Variants in MICA observed in about 807,000 individuals in gnomAD.
MICA encodes the protein HLA class I antigen.
Under a neutral mutation model 34.3 loss-of-function variants are expected in MICA, and 18 were observed. The observed-to-expected ratio is 0.52, with a 90% CI of 0.36 to 0.78. The LOEUF is 0.78. Ranked by LOEUF, MICA falls within the 30% of genes least tolerant of loss-of-function variation. The pLI is 0.00. For synonymous variants in MICA, 135 were observed against 156.9 expected (o/e 0.86, Z 1.04); for missense variants, 333 against 409.4 (o/e 0.81, Z 1.61).
At chr6:31,408,866 G>C (rs777405772) in intron 1 of MICA, among the ~76,000 whole-genome samples, 1 of 151,688 alleles carries the variant, frequency 6.6e-6, no homozygotes, top group African/African-American at 2.4e-5. Flanking sequence ...TTAGCCGGGC[G>C]TGATGGCGGG....
intron 5 of MICA, 73 bp downstream of exon 5, chr6:31,412,533 C>A: frequency 1.1e-6 from 1 of 920,840 alleles, no homozygotes; most frequent in Non-Finnish European, 1.7e-6. Context: ...ATTGCTCCTG[C>A]AAAGATAGGC....
chr6:31,411,471 GT>G lies in MICA; in HGVS notation c.613+114del. On this transcript the variant is annotated intron_variant, in intron 3 of 5. Coordinates refer to ENST00000449934, the MANE Select transcript of MICA (RefSeq NM_001177519.3). The surrounding 1 kb of genome is among the most constrained non-coding windows in gnomAD (Gnocchi z 4.3). ...TGTGCTATGGATGAAGGCATTTCCT[GT>G]TGGCACATCGTGTCCTGATTTTCCT... is the stretch of plus-strand genomic sequence containing the variant. 2.7e-6 allele frequency: 3 copies of G among 1,098,298 alleles called. No individual in the cohort carries two copies. The highest frequency in any genetic ancestry group is 3.8e-6 in the Non-Finnish European group (3 of 787,084). The allele number at this position is 1,098,298 out of a possible 1,614,324, so 68.0% of individuals were successfully genotyped here.
rs541041650 is a variant in MICA, at chr6:31,412,506, G to A, written c.*29+46G>A. On this transcript the variant is annotated intron_variant, in intron 5 of 5. Transcript: ENST00000449934. ...CTGGAGATGGTAAGGCCCCTGTCTG[G>A]GCAGTAGGGTCCCCTCATTGCTCCT... 29 of 1,210,350 alleles carry A rather than the reference G, an allele frequency of 2.4e-5. No homozygotes were observed. The African/African-American group carries it at 4.2e-4, about 17-fold the overall frequency. 75.0% of individuals were successfully genotyped at this position (1,210,350 alleles called of 1,614,324 possible). A position where few individuals can be genotyped will look rare whatever the true frequency, so the allele number is the denominator to read the frequency against.
At chr6:31,403,137 A>G (rs548558900), upstream of MICA, among the ~76,000 whole-genome samples, 2 of 151,820 alleles carry the variant, frequency 1.3e-5, no homozygotes, top group Non-Finnish European at 2.9e-5. This position sits in a 1 kb window ranked among gnomAD's most constrained non-coding sequence, Gnocchi z 4.7. Flanking sequence ...CATTGCCAGT[A>G]ACGCTGTGCG....
upstream of MICA, among the ~76,000 whole-genome samples, chr6:31,403,236 G>A (rs1278957147): frequency 6.6e-6 from 1 of 151,820 alleles, no homozygotes; most frequent in Non-Finnish European, 1.5e-5. This position sits in a 1 kb window ranked among gnomAD's most constrained non-coding sequence, Gnocchi z 4.7. Context: ...GGGGCGGCCG[G>A]CGAAAGGGGC....
At chr6:31,406,332 C>T (rs1327068514) in intron 1 of MICA, among the ~76,000 whole-genome samples, 2 of 151,644 alleles carry the variant, frequency 1.3e-5, no homozygotes. Context: ...TTTTCATATA[C>T]CTGTTTGCCA....
intron 1 of MICA, among the ~76,000 whole-genome samples, chr6:31,410,147 G>GCCA (rs1771016377): frequency 6.6e-6 from 1 of 151,210 alleles, no homozygotes. Flanking sequence ...ATGCACCACA[G>GCCA]CCACACTGGA....
intron 1 of MICA, among the ~76,000 whole-genome samples, chr6:31,409,692 G>A (rs1189191764): frequency 1.3e-5 from 2 of 151,864 alleles, no homozygotes; most frequent in African/African-American, 4.8e-5. Context: ...CAAATCCTAT[G>A]TCATGAACAT....
rs201900789 is a variant in MICA, at chr6:31,411,274, C to T, written c.528C>T (p.Thr176=). Residue 176 remains threonine (T), a synonymous_variant, in exon 3 of 6, where the codon ACC becomes ACT. Transcript: ENST00000449934. This position sits in a 1 kb window ranked among gnomAD's most constrained non-coding sequence, Gnocchi z 4.3. ...TCTTGAAGGAAGATGCCATGAAGAC[C>T]AAGACACACTATCACGCTATGCATG... ...RNFLKEDAMK[T]KTHYHAMHAD... The T allele has an allele frequency of 4.3e-6, 7 of 1,611,090 alleles. No individual in the cohort carries two copies. The highest frequency in any genetic ancestry group is 5.9e-6 in the Non-Finnish European group (7 of 1,179,226).
At position 31,412,208 on chromosome 6, in the gene MICA, C is replaced by G; in HGVS notation, c.875C>G (p.Thr292Ser). The change falls in exon 4 of 6, where the codon ACT becomes AGT. Residue 292 changes from threonine (T) to serine (S), a missense_variant. Physicochemically the swap from Thr to Ser is moderately conservative, Grantham distance 58. Transcript: ENST00000449934. ...CYMEHSGNHSTHPVPSGKVLV... is the reference protein window; with the variant it reads ...CYMEHSGNHSSHPVPSGKVLV... The stretch of plus-strand genomic sequence containing the variant: ...ATGGAACACAGCGGGAATCACAGCA[C>G]TCACCCTGTGCCCTCTGGTGAGCCT... 6.2e-7 allele frequency: 1 copy of G among 1,610,658 alleles called. No homozygotes were observed. The highest frequency in any genetic ancestry group is 1.1e-5 in the South Asian group (1 of 90,706).
intron 1 of MICA, among the ~76,000 whole-genome samples, chr6:31,406,762 T>C (rs1189298276): frequency 6.6e-6 from 1 of 151,950 alleles, no homozygotes; most frequent in African/African-American, 2.4e-5. Flanking sequence ...AGTTTCATTC[T>C]TCTGCATAAG....
intron 5 of MICA, 65 bp downstream of exon 5, chr6:31,412,525 T>C: frequency 9.9e-7 from 1 of 1,013,382 alleles, no homozygotes; most frequent in Non-Finnish European, 1.5e-6. Context: ...GTCCCCTCAT[T>C]GCTCCTGCAA....
At position 31,405,937 on chromosome 6, in the gene MICA, G is replaced by T. The variant is rs556738017; in HGVS notation, c.70+2235G>T. Among the ~76,000 whole-genome samples the T allele has an allele frequency of 2.8e-4, 43 of 151,942 alleles. 1 individual carries two copies. Among genetic ancestry groups the T allele is most frequent in the African/African-American group, 9.7e-4 (40 of 41,370 alleles). Reference sequence around the variant, plus strand: ...TGTACACCACATTTTCTTTATCCATGCGTCTGTTGATGGACACTTAGATTG... The same window carrying T: ...TGTACACCACATTTTCTTTATCCATTCGTCTGTTGATGGACACTTAGATTG... On this transcript the variant is annotated intron_variant, in intron 1 of 5. Coordinates refer to ENST00000449934, the MANE Select transcript of MICA (RefSeq NM_001177519.3).
chr6:31,404,202 C>G (rs144739916), intron 1 of MICA, among the ~76,000 whole-genome samples: 4,660 of 151,754 alleles, frequency 0.031, 129 homozygotes, highest in Middle Eastern at 0.088. Context: ...GGACCCGGAG[C>G]TGGTGCTTCC....
rs757660896 is a variant in MICA, at chr6:31,403,685, C to G, written c.53C>G (p.Pro18Arg). 1.3e-6 allele frequency: 2 copies of G among 1,533,318 alleles called. No homozygotes were observed. The highest frequency in any genetic ancestry group is 5.2e-5 in the East Asian group (2 of 38,288). The allele number at this position is 1,533,318 out of a possible 1,614,324, so 95.0% of individuals were successfully genotyped here. A position where few individuals can be genotyped will look rare whatever the true frequency, so the allele number is the denominator to read the frequency against. ...LLLAGIFPFA[P>R]PGAAAEPHSL... ...CTGGCTGGCATCTTCCCTTTTGCAC[C>G]TCCGGGAGCTGCTGCTGGTGAGTGG... Residue 18 changes from proline to arginine, a missense_variant, in exon 1 of 6, where the codon CCT becomes CGT. Coordinates refer to ENST00000449934, the MANE Select transcript of MICA (RefSeq NM_001177519.3). The surrounding 1 kb of genome is among the most constrained non-coding windows in gnomAD (Gnocchi z 4.7).
rs1352047893 is a variant in MICA, at chr6:31,411,229, G to A, written c.483G>A (p.Leu161=). The A allele has an allele frequency of 3.1e-6, 5 of 1,613,166 alleles. No homozygotes were observed. In the South Asian group the frequency reaches 3.3e-5, roughly 11 times the overall value. The part of the protein sequence containing the change: ...TVPQSSRAQT[L]AMNVRNFLKE... ...CCCAGTCCTCCAGAGCTCAGACCTT[G>A]GCCATGAACGTCAGGAATTTCTTGA... The change falls in exon 3 of 6, where the codon TTG becomes TTA. Residue 161 remains leucine (L), a synonymous_variant. Coordinates refer to ENST00000449934, the MANE Select transcript of MICA (RefSeq NM_001177519.3). The surrounding 1 kb of genome is among the most constrained non-coding windows in gnomAD (Gnocchi z 4.3).
At chr6:31,412,606 GGC>G in intron 5 of MICA, 146 bp downstream of exon 5, 1 of 638,176 alleles carries the variant, frequency 1.6e-6, no homozygotes, top group Non-Finnish European at 2.7e-6. Flanking sequence ...AGGGAATGGG[GGC>G]AGCATCTCCA....
In MICA at chr6:31,410,662, T is replaced by C. The variant is rs17200172; in HGVS notation, c.190T>C (p.Cys64Arg). The change falls in exon 2 of 6, where the codon TGC (cysteine) becomes CGC (arginine). Residue 64 changes from cysteine (C) to arginine (R), a missense_variant. By Grantham distance (180) the Cys-to-Arg change is radical. Transcript: ENST00000449934. ...QPFLRYDRQK[C>R]RAKPQGQWAE... ...CTTCCTGCGCTATGACAGGCAGAAA[T>C]GCAGGGCAAAGCCCCAGGGACAGTG... 2.7e-5 allele frequency: 43 copies of C among 1,613,372 alleles called. No homozygotes were observed. The highest frequency in any genetic ancestry group is 4.4e-5 in the South Asian group (4 of 91,050).
chr6:31,407,035 G>GT (rs1770785420), intron 1 of MICA, among the ~76,000 whole-genome samples: 3 of 151,644 alleles, frequency 2.0e-5, no homozygotes, highest in South Asian at 4.1e-4. Flanking sequence ...ATCTATTCTG[G>GT]TTTTTTTGTG....
Sources: gnomAD v4.1 joint callset for allele counts (sites outside exome capture counted in the v4.1 genomes callset) on GRCh38, gnomAD v4.1.1 for gene constraint, Gnocchi (gnomAD v3.1) non-coding constraint, MANE v1.5 for transcripts, NCBI Gene and HGNC (gene_info 2026-07-23, HGNC 2026-07-21) for gene names.